The following KCNQ1 variants were observed in gnomAD, a reference collection of about 807,000 sequenced individuals.
KCNQ1 encodes potassium voltage-gated channel subfamily Q member 1, also known as potassium voltage-gated channel subfamily KQT member 1.
KCNQ1 carries 49 observed loss-of-function variants against 72.4 expected under a neutral mutation model. The ratio of observed to expected loss-of-function variants is 0.68; its 90% CI spans 0.54 to 0.86. The LOEUF is 0.86. Ranked by LOEUF, KCNQ1 falls within the 40% of genes least tolerant of loss-of-function variation. KCNQ1 has a pLI of 0.00. For synonymous variants in KCNQ1, 450 were observed against 412.6 expected (o/e 1.09, Z -1.10); for missense variants, 790 against 945.1 (o/e 0.84, Z 2.15).
Position 2,813,330 on chromosome 11 carries a change from C to T in KCNQ1, c.1795-34437C>T, listed in dbSNP as rs1441056033. Reference sequence around the variant, plus strand: ...TCATTCAAGGGCATCTGCCCTGTGTCCTCATGCACCTCCATTCAGGGAACC... The same window carrying T: ...TCATTCAAGGGCATCTGCCCTGTGTTCTCATGCACCTCCATTCAGGGAACC... On this transcript the variant is annotated intron_variant, in intron 15 of 15. Transcript: ENST00000155840. The surrounding 1 kb of genome is among the most constrained non-coding windows in gnomAD (Gnocchi z 4.4). 6.6e-6 allele frequency among the ~76,000 whole-genome samples: 1 copy of T among 152,206 alleles called. No individual in the cohort carries two copies. The highest frequency in any genetic ancestry group is 6.5e-5 in the Admixed American group (1 of 15,284).
At chr11:2,618,190 T>A (rs1237657371) in intron 10 of KCNQ1, 1 of 398,462 alleles carries the variant, frequency 2.5e-6, no homozygotes, top group Non-Finnish European at 4.4e-6. Context: ...TTGAGTTTAT[T>A]TCTATGTATG....
At chr11:2,788,589 C>T (rs953592091) in intron 15 of KCNQ1, among the ~76,000 whole-genome samples, 1 of 148,888 alleles carries the variant, frequency 6.7e-6, no homozygotes, top group African/African-American at 2.4e-5. Context: ...CCTCTCTCTG[C>T]TGCTGGGCTG....
At chr11:2,732,053 G>T (rs1008756439) in intron 11 of KCNQ1, among the ~76,000 whole-genome samples, 1 of 152,240 alleles carries the variant, frequency 6.6e-6, no homozygotes, top group African/African-American at 2.4e-5. Flanking sequence ...AGGAAACCAG[G>T]CTTGAGTTCC....
rs1465766217 is a variant in KCNQ1, at chr11:2,711,589, C to T, written c.1514+49508C>T. ...AGGGTGACTCCACTATCCCACCAAC[C>T]TCTGTACCCCACGGCCATGCACAAG... On this transcript the variant is annotated intron_variant, in intron 11 of 15. Transcript: ENST00000155840. This position sits in a 1 kb window ranked among gnomAD's most constrained non-coding sequence, Gnocchi z 5.4. Among the ~76,000 whole-genome samples, 2 of 152,132 alleles carry T rather than the reference C, an allele frequency of 1.3e-5. No individual in the cohort carries two copies. Among genetic ancestry groups the T allele is most frequent in the East Asian group, 3.9e-4 (2 of 5,182 alleles).
chr11:2,472,104 C>T (rs536007879), intron 1 of KCNQ1, among the ~76,000 whole-genome samples: 10 of 146,630 alleles, frequency 6.8e-5, no homozygotes, highest in Non-Finnish European at 1.3e-4. Context: ...GTGTGTGCAC[C>T]TATGTGTATA....
chr11:2,630,425 T>A (rs1849334355), intron 10 of KCNQ1: 7 of 398,272 alleles, frequency 1.8e-5, no homozygotes, highest in Non-Finnish European at 3.1e-5. Context: ...GCTAGCCTTG[T>A]AAAATAAGTT....
intron 2 of KCNQ1, among the ~76,000 whole-genome samples, chr11:2,556,350 C>T (rs943958561): frequency 2.6e-5 from 4 of 152,114 alleles, no homozygotes; most frequent in Non-Finnish European, 4.4e-5. Flanking sequence ...ATTTGCGGGG[C>T]GGGGGACACA....
rs1278385362 is a variant in KCNQ1 at position 2,783,760 on chromosome 11, C to A, written c.1794+5723C>A. 6.6e-6 allele frequency among the ~76,000 whole-genome samples: 1 copy of A among 151,986 alleles called. No individual in the cohort carries two copies. Among genetic ancestry groups the A allele is most frequent in the Non-Finnish European group, 1.5e-5 (1 of 67,874 alleles). On this transcript the variant is annotated intron_variant, in intron 15 of 15. Coordinates refer to ENST00000155840, the MANE Select transcript of KCNQ1 (RefSeq NM_000218.3). The surrounding 1 kb of genome is among the most constrained non-coding windows in gnomAD (Gnocchi z 5.2). ...TTCCCTAATGACTAATGATGTTGAG[C>A]CACTTTTCATGTGCTTATTAGCCAT...
At chr11:2,619,712 A>G (rs1435801359) in intron 10 of KCNQ1, 1 of 201,102 alleles carries the variant, frequency 5.0e-6, no homozygotes, top group African/African-American at 2.4e-5. Flanking sequence ...CTTTAGCTGC[A>G]TTTTTTTTTT....
Position 2,683,711 on chromosome 11 carries a change from T to G in KCNQ1, c.1514+21630T>G. ...CCTAGCCTGGGACTCAGGCCTTTCCTTACTCCCTCTGGTTACCTAGCTTTA... is the reference window on the plus strand; with the variant it reads ...CCTAGCCTGGGACTCAGGCCTTTCCGTACTCCCTCTGGTTACCTAGCTTTA... On this transcript the variant is annotated intron_variant, in intron 11 of 15. Transcript: ENST00000155840. This position sits in a 1 kb window ranked among gnomAD's most constrained non-coding sequence, Gnocchi z 4.7. 1 of 398,604 alleles carries G rather than the reference T, an allele frequency of 2.5e-6. No homozygotes were observed. The highest frequency in any genetic ancestry group is 1.3e-4 in the South Asian group (1 of 7,854). The allele number at this position is 398,604 out of a possible 1,614,324, so 24.7% of individuals were successfully genotyped here.
Position 2,827,739 on chromosome 11 carries a change from AG to A in KCNQ1, c.1795-20026del, listed in dbSNP as rs1231336131. ...GAGGCCAGACCAGAAGGACTCAGATAGGAGTTGGGCGCTTGAGGGAGGAAAT... is the reference window on the plus strand; with the variant it reads ...GAGGCCAGACCAGAAGGACTCAGATAGAGTTGGGCGCTTGAGGGAGGAAAT... On this transcript the variant is annotated intron_variant, in intron 15 of 15. Coordinates refer to ENST00000155840, the MANE Select transcript of KCNQ1 (RefSeq NM_000218.3). This position sits in a 1 kb window ranked among gnomAD's most constrained non-coding sequence, Gnocchi z 6.7. Among the ~76,000 whole-genome samples, 1 of 152,104 alleles carries A rather than the reference AG, an allele frequency of 6.6e-6. No homozygotes were observed. The highest frequency in any genetic ancestry group is 2.4e-5 in the African/African-American group (1 of 41,430).
Position 2,544,108 on chromosome 11 carries a change from A to G in KCNQ1, c.477+16090A>G, listed in dbSNP as rs1847864328. ...TATAAATTTTGGAAGCTGCTTACCA[A>G]TTTTTGCAAAGCCTGGTAGAATTTT... On this transcript the variant is annotated intron_variant, in intron 2 of 15. Coordinates refer to ENST00000155840, the MANE Select transcript of KCNQ1 (RefSeq NM_000218.3). The surrounding 1 kb of genome is among the most constrained non-coding windows in gnomAD (Gnocchi z 4.4). Among the ~76,000 whole-genome samples, 1 of 151,996 alleles carries G rather than the reference A, an allele frequency of 6.6e-6. No individual in the cohort carries two copies. The highest frequency in any genetic ancestry group is 2.4e-5 in the African/African-American group (1 of 41,378).
intron 11 of KCNQ1, chr11:2,665,193 C>T (rs1268100637): frequency 5.0e-6 from 2 of 398,628 alleles, no homozygotes; most frequent in Non-Finnish European, 8.8e-6. Context: ...GCCTCGAACA[C>T]ACCTTTCAGG....
intron 1 of KCNQ1, among the ~76,000 whole-genome samples, chr11:2,454,845 TAAG>T (rs935502569): frequency 1.6e-4 from 24 of 152,122 alleles, no homozygotes; most frequent in Non-Finnish European, 1.5e-4. Flanking sequence ...ACATTCCCCT[TAAG>T]AATAGGAACA....
At position 2,698,293 on chromosome 11, in the gene KCNQ1, A is replaced by G. The variant is rs1590039245; in HGVS notation, c.1514+36212A>G. Reference sequence around the variant, plus strand: ...AGACAGAACTATTCTACCTGGATGAATTATTCTCTTTCATAACCAGAACAG... The same window carrying G: ...AGACAGAACTATTCTACCTGGATGAGTTATTCTCTTTCATAACCAGAACAG... On this transcript the variant is annotated intron_variant, in intron 11 of 15. Coordinates refer to ENST00000155840, the MANE Select transcript of KCNQ1 (RefSeq NM_000218.3). This position sits in a 1 kb window ranked among gnomAD's most constrained non-coding sequence, Gnocchi z 5.1. The G allele has an allele frequency of 1.0e-5, 4 of 398,626 alleles. No individual in the cohort carries two copies. Among genetic ancestry groups the G allele is most frequent in the South Asian group, 1.3e-4 (1 of 7,856 alleles). 24.7% of individuals were successfully genotyped at this position (398,626 alleles called of 1,614,324 possible).
At chr11:2,585,407 A>T (rs944514666) in intron 8 of KCNQ1, 100 bp downstream of exon 8, 23 of 1,103,232 alleles carry the variant, frequency 2.1e-5, no homozygotes, top group Non-Finnish European at 2.8e-5. Context: ...TGGCCCCTGC[A>T]TCAGCTTGGC....
At position 2,762,238 on chromosome 11, in the gene KCNQ1, G is replaced by A. The variant is rs1371251905; in HGVS notation, c.1515-6606G>A. Among the ~76,000 whole-genome samples the A allele has an allele frequency of 6.6e-6, 1 of 152,228 alleles. No homozygotes were observed. The highest frequency in any genetic ancestry group is 1.5e-5 in the Non-Finnish European group (1 of 68,044). ...CTTGGGGCCTCCAATTTGTCAAATA[G>A]TTTTCTGTTACAGTTCATACTGTTT... On this transcript the variant is annotated intron_variant, in intron 11 of 15. Coordinates refer to ENST00000155840, the MANE Select transcript of KCNQ1 (RefSeq NM_000218.3). The surrounding 1 kb of genome is among the most constrained non-coding windows in gnomAD (Gnocchi z 4.3).
At chr11:2,644,973 A>T (rs189933282) in intron 10 of KCNQ1, 1 of 398,472 alleles carries the variant, frequency 2.5e-6, no homozygotes, top group Non-Finnish European at 4.4e-6. Flanking sequence ...CTTGGGCCCA[A>T]TGGTAGTGTA....
chr11:2,467,753 T>C (rs777917521), intron 1 of KCNQ1, among the ~76,000 whole-genome samples: 13 of 152,120 alleles, frequency 8.5e-5, no homozygotes, highest in Non-Finnish European at 1.8e-4. Context: ...CGTCTTGCAA[T>C]GGGGGCTGTG....
Sources: gnomAD v4.1 joint callset for allele counts (sites outside exome capture counted in the v4.1 genomes callset) on GRCh38, gnomAD v4.1.1 for gene constraint, Gnocchi (gnomAD v3.1) non-coding constraint, MANE v1.5 for transcripts, NCBI Gene and HGNC (gene_info 2026-07-23, HGNC 2026-07-21) for gene names.